The following PPP2R2C variants were observed in gnomAD, a reference collection of about 807,000 sequenced individuals.
The protein encoded by PPP2R2C is protein phosphatase 2 regulatory subunit Bgamma.
A neutral mutation model predicts 45.3 loss-of-function variants in PPP2R2C; 10 were observed. The observed-to-expected ratio is 0.22, with a 90% CI of 0.14 to 0.37. PPP2R2C has a LOEUF of 0.37. Ranked by LOEUF, PPP2R2C falls within the 10% of genes least tolerant of loss-of-function variation. The pLI is 1.00. For synonymous variants in PPP2R2C, 257 were observed against 245.4 expected, an observed-to-expected ratio of 1.05 and a Z score of -0.44; for missense variants, 308 against 619.7, an observed-to-expected ratio of 0.50 and a Z score of 5.34.
intron 5 of PPP2R2C, chr4:6,350,690 G>C: frequency 1.0e-6 from 1 of 985,344 alleles, no homozygotes; most frequent in Non-Finnish European, 1.2e-6. Context: ...CCTCTCCTTC[G>C]GCCTTTCAGA....
At chr4:6,558,097 G>A (rs1365432708) in intron 1 of PPP2R2C, among the ~76,000 whole-genome samples, 1 of 152,202 alleles carries the variant, frequency 6.6e-6, no homozygotes, top group Non-Finnish European at 1.5e-5. Flanking sequence ...TTGGGGCAGT[G>A]ACTTCTCCCA....
chr4:6,333,761 C>T, intron 6 of PPP2R2C, 30 bp from the exon 7 acceptor site: 1 of 1,612,700 alleles, frequency 6.2e-7, no homozygotes, highest in African/African-American at 1.3e-5. Flanking sequence ...ATGGCCGTCA[C>T]TGCGCTGCTC....
At chr4:6,352,478 CT>C (rs1375745159) in intron 5 of PPP2R2C, among the ~76,000 whole-genome samples, 1 of 152,190 alleles carries the variant, frequency 6.6e-6, no homozygotes, top group East Asian at 1.9e-4. Flanking sequence ...TAAGAGTCCC[CT>C]TTCCCCTGGC....
At chr4:6,323,986 G>C (rs1322501445) in intron 8 of PPP2R2C, among the ~76,000 whole-genome samples, 1 of 152,076 alleles carries the variant, frequency 6.6e-6, no homozygotes, top group Non-Finnish European at 1.5e-5. Context: ...AGCCTACAGA[G>C]CCATCACTCC....
At chr4:6,410,921 T>C (rs902134746) in intron 1 of PPP2R2C, among the ~76,000 whole-genome samples, 3 of 151,912 alleles carry the variant, frequency 2.0e-5, no homozygotes, top group African/African-American at 7.3e-5. Context: ...CAGGATGAAG[T>C]GCGGTGGTGC....
At chr4:6,376,398 G>C (rs970609033) in intron 3 of PPP2R2C, among the ~76,000 whole-genome samples, 7 of 152,058 alleles carry the variant, frequency 4.6e-5, no homozygotes, top group African/African-American at 1.4e-4. Context: ...CGGAGTGTAG[G>C]GAGTGCTGAA....
intron 2 of PPP2R2C, among the ~76,000 whole-genome samples, chr4:6,481,243 G>T (rs1577214176): frequency 6.6e-6 from 1 of 152,102 alleles, no homozygotes; most frequent in East Asian, 1.9e-4. Flanking sequence ...ACCAATACTT[G>T]TCTACCCGCT....
intron 1 of PPP2R2C, among the ~76,000 whole-genome samples, chr4:6,427,386 C>T (rs748779653): frequency 6.6e-6 from 1 of 152,222 alleles, no homozygotes; most frequent in Non-Finnish European, 1.5e-5. Context: ...CCATTTGCAA[C>T]CAGGCCAGAG....
rs931678730 is a variant in PPP2R2C at position 6,466,491 on chromosome 4, G to A, written c.70+5669C>T. ...AACTAGAAAAGTAGCCTTCAAAATT[G>A]TTGATACAGACAGATTACAGTTTTC... On this transcript the variant is annotated intron_variant, in intron 1 of 8. Transcript: ENST00000382599. Among the ~76,000 whole-genome samples, 6 of 152,090 alleles carry A rather than the reference G, an allele frequency of 3.9e-5. No homozygotes were observed. In the South Asian group the frequency reaches 6.2e-4, roughly 16 times the overall value.
At chr4:6,392,633 G>A (rs546147992) in intron 1 of PPP2R2C, among the ~76,000 whole-genome samples, 1 of 152,218 alleles carries the variant, frequency 6.6e-6, no homozygotes, top group Non-Finnish European at 1.5e-5. Flanking sequence ...GTGTGAGAGG[G>A]ATGGGGCAGG....
At chr4:6,496,783 C>G (rs1722891884) in intron 2 of PPP2R2C, among the ~76,000 whole-genome samples, 1 of 152,084 alleles carries the variant, frequency 6.6e-6, no homozygotes, top group East Asian at 1.9e-4. Context: ...ATCACTTGAG[C>G]CCGGAAGGTG....
chr4:6,472,343 C>G lies in PPP2R2C; in HGVS notation c.-114G>C. On this transcript the variant is annotated 5_prime_UTR_variant, in exon 1 of 9. Coordinates refer to ENST00000382599, the MANE Select transcript of PPP2R2C (RefSeq NM_020416.4). The stretch of plus-strand genomic sequence containing the variant: ...GCCGCAGCCTAGCAGGGGCGCGGGC[C>G]GCCGGGGCCCCGAAGGGAGGGCATC... The G allele has an allele frequency of 1.6e-6, 2 of 1,285,066 alleles. No individual in the cohort carries two copies. The highest frequency in any genetic ancestry group is 2.0e-6 in the Non-Finnish European group (2 of 1,013,446). The allele number at this position is 1,285,066 out of a possible 1,614,324, so 79.6% of individuals were successfully genotyped here.
intron 5 of PPP2R2C, among the ~76,000 whole-genome samples, chr4:6,357,291 C>T (rs1283324408): frequency 6.6e-6 from 1 of 152,236 alleles, no homozygotes; most frequent in African/African-American, 2.4e-5. Context: ...GCCCGGGGAC[C>T]TGGCAGTTGT....
rs112291754 is a variant in PPP2R2C, at chr4:6,374,703, G to A, written c.447+1116C>T. Among the ~76,000 whole-genome samples, 454 of 152,314 alleles carry A rather than the reference G, an allele frequency of 3.0e-3. 5 individuals carry two copies. Among genetic ancestry groups the A allele is most frequent in the African/African-American group, 1.0e-2 (414 of 41,580 alleles). On this transcript the variant is annotated intron_variant, in intron 4 of 8. Coordinates refer to ENST00000382599, the MANE Select transcript of PPP2R2C (RefSeq NM_020416.4). ...AGCGCCAGTGTGATGGCGATTCCAT[G>A]TCTGTTTCCTTGGGGGCTGGGGACA...
intron 5 of PPP2R2C, among the ~76,000 whole-genome samples, chr4:6,352,998 T>A (rs572154644): frequency 4.6e-5 from 7 of 152,206 alleles, no homozygotes; most frequent in African/African-American, 1.7e-4. Flanking sequence ...GAGCGATGGC[T>A]ACAGGAACAT....
chr4:6,536,221 G>T (rs1234817360), intron 1 of PPP2R2C, among the ~76,000 whole-genome samples: 3 of 152,142 alleles, frequency 2.0e-5, no homozygotes, highest in African/African-American at 7.2e-5. Flanking sequence ...GCTGTTTCAG[G>T]GGCACACAAA....
At chr4:6,476,099 G>A (rs1158475658), upstream of PPP2R2C, among the ~76,000 whole-genome samples, 2 of 152,150 alleles carry the variant, frequency 1.3e-5, no homozygotes, top group Non-Finnish European at 2.9e-5. Context: ...AGAACTGGGA[G>A]GAAGTACATT....
rs750844235 is a variant in PPP2R2C at position 6,347,846 on chromosome 4, G to T, written c.790C>A (p.Leu264Ile). The T allele has an allele frequency of 6.6e-7, 1 of 1,506,982 alleles. No individual in the cohort carries two copies. The highest frequency in any genetic ancestry group is 9.0e-7 in the Non-Finnish European group (1 of 1,116,076). 93.4% of individuals were successfully genotyped at this position (1,506,982 alleles called of 1,614,324 possible). A position where few individuals can be genotyped will look rare whatever the true frequency, so the allele number is the denominator to read the frequency against. ...CCCACCCCCAGGCACCGGCACTTAC[G>T]CTTGGAATGCTTGTCACACAGGGCA... is the stretch of plus-strand genomic sequence containing the variant. ...AAALCDKHSK[L>I]FEEPEDPSNR... The change falls in exon 6 of 9, where the codon CTC (leucine) becomes ATC (isoleucine). Residue 264 changes from leucine to isoleucine, a missense_variant and splice_region_variant. Physicochemically the swap from Leu to Ile is conservative, Grantham distance 5. Coordinates refer to ENST00000382599, the MANE Select transcript of PPP2R2C (RefSeq NM_020416.4).
chr4:6,414,336 ACT>A (rs1475090379), intron 1 of PPP2R2C, among the ~76,000 whole-genome samples: 2 of 151,950 alleles, frequency 1.3e-5, no homozygotes, highest in Admixed American at 6.6e-5. Context: ...AGGCTCGCAA[ACT>A]CTCTGATCAT....
Sources: gnomAD v4.1 joint callset for allele counts (sites outside exome capture counted in the v4.1 genomes callset) on GRCh38, gnomAD v4.1.1 for gene constraint, MANE v1.5 for transcripts, NCBI Gene and HGNC (gene_info 2026-07-23, HGNC 2026-07-21) for gene names.